RALGDS: variants seen among roughly 807,000 people sequenced by gnomAD.
RALGDS encodes the protein ral guanine nucleotide dissociation stimulator, also known as ral guanine nucleotide exchange factor.
A neutral mutation model predicts 99.8 loss-of-function variants in RALGDS; 44 were observed. The observed-to-expected ratio is 0.44, with a 90% CI of 0.35 to 0.57. The LOEUF (loss-of-function observed/expected upper bound fraction) is 0.57, where lower values mean the gene tolerates loss of function less well. RALGDS is among the 20% of genes least tolerant of loss of function. The pLI, the probability that RALGDS is intolerant of heterozygous loss-of-function variation, is 0.01. For missense variants in RALGDS, 1,022 were observed against 1,203.1 expected (o/e 0.85, Z 2.23); for synonymous variants, 529 against 505.0 (o/e 1.05, Z -0.64).
At position 133,101,767 on chromosome 9, in the gene RALGDS, G is replaced by A. The variant is rs1374198649; in HGVS notation, c.2212-5C>T. 2 of 1,600,732 alleles carry A rather than the reference G, an allele frequency of 1.2e-6. No homozygotes were observed. The highest frequency in any genetic ancestry group is 1.1e-5 in the South Asian group (1 of 89,692). ...CTGTGAGGCTGATTCCCAGAACTGA[G>A]GGAGACGGTAAGATCAGCAGATCCC... On this transcript the variant is annotated splice_polypyrimidine_tract_variant and splice_region_variant and intron_variant, in intron 15 of 17. Transcript: ENST00000372050.
At chr9:133,110,680 C>T (rs1259028911) in intron 2 of RALGDS, among the ~76,000 whole-genome samples, 191 bp from the exon 3 acceptor site, 1 of 151,914 alleles carries the variant, frequency 6.6e-6, no homozygotes, top group Admixed American at 6.6e-5. Flanking sequence ...CATCCCGGCA[C>T]TTTGGGAGGC....
rs565714591 is a variant in RALGDS at position 133,099,989 on chromosome 9, G to A, written c.2569+279C>T. 3.0e-4 allele frequency: 152 copies of A among 503,830 alleles called. 1 individual carries two copies. In the South Asian group the frequency reaches 3.2e-3, roughly 11 times the overall value. 31.2% of individuals were successfully genotyped at this position (503,830 alleles called of 1,614,324 possible). A position where few individuals can be genotyped will look rare whatever the true frequency, so the allele number is the denominator to read the frequency against. ...GAAAGAGTCCCTTCCAGTGGGCCAC[G>A]TGGCTAACCTGTCCCAGTGAAAAAT... On this transcript the variant is annotated intron_variant, in intron 17 of 17. Coordinates refer to ENST00000372050, the MANE Select transcript of RALGDS (RefSeq NM_006266.4).
chr9:133,140,035 T>C (rs1274416311), intron 1 of RALGDS, among the ~76,000 whole-genome samples: 1 of 149,696 alleles, frequency 6.7e-6, no homozygotes, highest in Non-Finnish European at 1.5e-5. Flanking sequence ...TCGTGACAGA[T>C]GACAGCACTA....
rs531959344 is a variant in RALGDS, at chr9:133,145,360, C to G, written c.18+3603G>C. 1.1e-3 allele frequency among the ~76,000 whole-genome samples: 167 copies of G among 152,264 alleles called. 1 individual carries two copies. The highest frequency in any genetic ancestry group is 3.9e-3 in the African/African-American group (160 of 41,540). Reference sequence around the variant, plus strand: ...AGCACTTCCCCTTCCCCTGGCAACTCCCCGGATTCTTGTTACCCCCACCCC... The same window carrying G: ...AGCACTTCCCCTTCCCCTGGCAACTGCCCGGATTCTTGTTACCCCCACCCC... On this transcript the variant is annotated intron_variant, in intron 1 of 17. Transcript: ENST00000393160.
intron 1 of RALGDS, among the ~76,000 whole-genome samples, chr9:133,127,866 G>A (rs936466101): frequency 2.6e-5 from 4 of 152,212 alleles, no homozygotes; most frequent in South Asian, 2.1e-4. Flanking sequence ...CTGACCTCAC[G>A]GGGCGCTGCC....
rs746135347 is a variant in RALGDS, at chr9:133,097,812, CAT to C, written c.*773_*774del. The C allele has an allele frequency of 8.4e-5, 19 of 225,992 alleles. No homozygotes were observed. The highest frequency in any genetic ancestry group is 1.6e-4 in the Non-Finnish European group (18 of 113,458). The allele number at this position is 225,992 out of a possible 1,614,324, so 14.0% of individuals were successfully genotyped here. ...TGCCCCTCCCCAATCAGTAAACAAA[CAT>C]TTTTTTTTTCTTTTTGCTTTTTATA... is the stretch of plus-strand genomic sequence containing the variant. On this transcript the variant is annotated 3_prime_UTR_variant, in exon 18 of 18. Coordinates refer to ENST00000372050, the MANE Select transcript of RALGDS (RefSeq NM_006266.4).
chr9:133,100,271 G>T lies in RALGDS; in HGVS notation c.2566C>A (p.Arg856=), dbSNP rs371672965. The change falls in exon 17 of 18, where the codon CGG becomes AGG. Residue 856 remains arginine (R), a synonymous_variant. Transcript: ENST00000372050. ...YELLQILSDD[R]KLKIPENANV... Reference sequence around the variant, plus strand: ...GCCCTCTGGTCTTCTGACTTACTCCGGTCATCTGAGAGAATCTGCAGCAGC... The same window carrying T: ...GCCCTCTGGTCTTCTGACTTACTCCTGTCATCTGAGAGAATCTGCAGCAGC... The T allele has an allele frequency of 1.3e-4, 210 of 1,613,852 alleles. 1 individual carries two copies. The highest frequency in any genetic ancestry group is 1.3e-4 in the Non-Finnish European group (156 of 1,179,852).
At chr9:133,116,122 CGCAAGGGCCTCGTGTCCGT>C (rs1564242328) in intron 1 of RALGDS, among the ~76,000 whole-genome samples, 1 of 123,722 alleles carries the variant, frequency 8.1e-6, no homozygotes, top group African/African-American at 3.1e-5. Flanking sequence ...GGAGGTGGAA[CGCAAGGGCCTCGTGTCCGT>C]GTCCGTGACC....
Sources: gnomAD v4.1 joint callset for allele counts (sites outside exome capture counted in the v4.1 genomes callset) on GRCh38, gnomAD v4.1.1 for gene constraint, MANE v1.5 for transcripts, NCBI Gene and HGNC (gene_info 2026-07-23, HGNC 2026-07-21) for gene names.